Variants in FHIT observed in about 807,000 individuals in gnomAD.
FHIT encodes the protein fragile histidine triad diadenosine triphosphatase, also known as bis(5'-adenosyl)-triphosphatase.
Under a neutral mutation model 17.9 loss-of-function variants are expected in FHIT, and 19 were observed. That is an observed-to-expected ratio of 1.06 (90% CI 0.74 to 1.56). The LOEUF (loss-of-function observed/expected upper bound fraction) is 1.56, where lower values mean the gene tolerates loss of function less well. FHIT is among the 40% of genes most tolerant of loss of function. The pLI is 0.00. For synonymous variants in FHIT, 81 were observed against 69.7 expected, an observed-to-expected ratio of 1.16 and a Z score of -0.81; for missense variants, 248 against 189.2, an observed-to-expected ratio of 1.31 and a Z score of -1.82.
intron 3 of FHIT, among the ~76,000 whole-genome samples, chr3:60,973,868 G>C (rs1180711318): frequency 1.3e-5 from 2 of 152,112 alleles, no homozygotes; most frequent in Admixed American, 6.5e-5. Flanking sequence ...ATTGCTCCTT[G>C]GGGAATCCAA....
chr3:60,559,559 C>G (rs918810993), intron 4 of FHIT, among the ~76,000 whole-genome samples: 1 of 152,036 alleles, frequency 6.6e-6, no homozygotes, highest in Non-Finnish European at 1.5e-5. Flanking sequence ...CTGGTGTGCT[C>G]TCTCTCACTT....
rs145979539 is a variant in FHIT at position 60,295,183 on chromosome 3, G to A, written c.103+241677C>T. 3.9e-3 allele frequency among the ~76,000 whole-genome samples: 596 copies of A among 152,166 alleles called. 3 individuals carry two copies. Among genetic ancestry groups the A allele is most frequent in the African/African-American group, 0.014 (564 of 41,516 alleles). On this transcript the variant is annotated intron_variant, in intron 5 of 9. Coordinates refer to ENST00000492590, the MANE Select transcript of FHIT (RefSeq NM_002012.4). ...AAAGATCTGTTGAGCCCAGGAGTTT[G>A]AGGCTACAGTGGGCTATGATTACAC...
At chr3:60,902,502 A>C (rs1415083904) in intron 3 of FHIT, among the ~76,000 whole-genome samples, 1 of 152,232 alleles carries the variant, frequency 6.6e-6, no homozygotes, top group African/African-American at 2.4e-5. Context: ...GCCAGGCCTG[A>C]TCAAATAACA....
At chr3:61,079,647 T>A (rs547166620) in intron 2 of FHIT, among the ~76,000 whole-genome samples, 1 of 152,322 alleles carries the variant, frequency 6.6e-6, no homozygotes, top group African/African-American at 2.4e-5. Flanking sequence ...GTATTTCACA[T>A]GTACATGCAC....
chr3:60,349,559 C>T (rs1710975546), intron 5 of FHIT, among the ~76,000 whole-genome samples: 1 of 151,954 alleles, frequency 6.6e-6, no homozygotes, highest in East Asian at 1.9e-4. Context: ...CAAACATATT[C>T]CAAAAGATTC....
chr3:60,091,612 G>A (rs753744238), intron 5 of FHIT, among the ~76,000 whole-genome samples: 2 of 152,188 alleles, frequency 1.3e-5, no homozygotes, highest in Non-Finnish European at 2.9e-5. Flanking sequence ...AATCCTTAAT[G>A]TTGGAAGTGG....
intron 5 of FHIT, among the ~76,000 whole-genome samples, chr3:60,110,002 G>C (rs752759383): frequency 3.9e-5 from 6 of 152,028 alleles, no homozygotes; most frequent in Non-Finnish European, 8.8e-5. Flanking sequence ...TTTTCTTTTC[G>C]AGACCTCGAT....
At position 60,914,382 on chromosome 3, in the gene FHIT, T is replaced by C. The variant is rs188567764; in HGVS notation, c.-110-92371A>G. 5.3e-5 allele frequency among the ~76,000 whole-genome samples: 8 copies of C among 152,216 alleles called. No homozygotes were observed. The South Asian group carries it at 6.2e-4, about 12-fold the overall frequency. On this transcript the variant is annotated intron_variant, in intron 3 of 9. Transcript: ENST00000492590. The stretch of plus-strand genomic sequence containing the variant: ...AATGATGTCCTAAGGCCATGAACCA[T>C]TTATTTAATTAATCGTGCACACAAT...
intron 3 of FHIT, among the ~76,000 whole-genome samples, chr3:60,922,838 T>C (rs1553768733): frequency 6.6e-6 from 1 of 152,204 alleles, no homozygotes; most frequent in African/African-American, 2.4e-5. Context: ...GGAGGAACAG[T>C]TAATTAAAAT....
At chr3:61,067,271 G>C (rs1269558749) in intron 2 of FHIT, among the ~76,000 whole-genome samples, 3 of 152,084 alleles carry the variant, frequency 2.0e-5, no homozygotes, top group African/African-American at 7.2e-5. Flanking sequence ...TTCACTAAAA[G>C]ACTCCCAGAA....
intron 5 of FHIT, among the ~76,000 whole-genome samples, chr3:60,509,087 G>C (rs1198377731): frequency 6.6e-6 from 1 of 152,100 alleles, no homozygotes; most frequent in Non-Finnish European, 1.5e-5. Flanking sequence ...ATTGCAAGCA[G>C]TCCTGGTAGG....
chr3:60,243,769 T>A (rs572066359), intron 5 of FHIT, among the ~76,000 whole-genome samples: 1 of 152,170 alleles, frequency 6.6e-6, no homozygotes, highest in South Asian at 2.1e-4. Flanking sequence ...TATAATATTA[T>A]CCCACCACCC....
At chr3:60,633,930 C>T (rs367633310) in intron 4 of FHIT, among the ~76,000 whole-genome samples, 4 of 152,226 alleles carry the variant, frequency 2.6e-5, no homozygotes, top group East Asian at 1.9e-4. Flanking sequence ...ATCTGGGGAA[C>T]GCACAGGCTC....
chr3:61,228,388 C>A (rs2040020629), intron 1 of FHIT, among the ~76,000 whole-genome samples: 2 of 152,200 alleles, frequency 1.3e-5, no homozygotes, highest in Admixed American at 1.3e-4. Flanking sequence ...CGTCACCTCT[C>A]CACCCAGTTA....
chr3:60,141,956 T>A (rs1700055343), intron 5 of FHIT, among the ~76,000 whole-genome samples: 1 of 152,180 alleles, frequency 6.6e-6, no homozygotes, highest in African/African-American at 2.4e-5. Flanking sequence ...TTTAAAATGG[T>A]ATTTTTAAGC....
chr3:60,581,731 T>C (rs912924194), intron 4 of FHIT, among the ~76,000 whole-genome samples: 17 of 152,098 alleles, frequency 1.1e-4, no homozygotes, highest in Non-Finnish European at 2.1e-4. Flanking sequence ...CAAATGTTTC[T>C]GCAGAGTTTA....
At chr3:61,240,174 C>T (rs1357104247) in intron 1 of FHIT, among the ~76,000 whole-genome samples, 4 of 152,166 alleles carry the variant, frequency 2.6e-5, no homozygotes, top group Admixed American at 2.0e-4. Context: ...TCTGAAGCTT[C>T]TTGGCCTTGT....
At chr3:59,918,764 T>C (rs1046865560) in intron 8 of FHIT, among the ~76,000 whole-genome samples, 6 of 152,158 alleles carry the variant, frequency 3.9e-5, no homozygotes, top group Non-Finnish European at 8.8e-5. Context: ...GGCAACTGTA[T>C]AGGCCTAGAG....
intron 5 of FHIT, among the ~76,000 whole-genome samples, chr3:60,020,227 A>T (rs912112064): frequency 3.9e-5 from 6 of 152,238 alleles, no homozygotes; most frequent in Admixed American, 1.3e-4. Flanking sequence ...AAATTTGCTC[A>T]TCAAGGATAA....
Sources: allele counts gnomAD v4.1 joint callset (sites outside exome capture counted in the v4.1 genomes callset), GRCh38; gene constraint gnomAD v4.1.1; transcripts MANE v1.5; gene names NCBI Gene and HGNC (gene_info 2026-07-23, HGNC 2026-07-21).